Variants in CERS6 observed in about 807,000 individuals in gnomAD.
CERS6 encodes the protein ceramide synthase 6, also known as LAG1 homolog, ceramide synthase 6.
Under a neutral mutation model 56.8 loss-of-function variants are expected in CERS6, and 26 were observed. That is an observed-to-expected ratio of 0.46 (90% CI 0.34 to 0.63). CERS6 has a LOEUF of 0.63. Ranked by LOEUF, CERS6 falls within the 30% of genes least tolerant of loss-of-function variation. The probability of loss-of-function intolerance (pLI) is 0.01; values close to 1 mark genes in which losing one functional copy is unlikely to be tolerated. For missense variants in CERS6, 415 were observed against 467.5 expected (o/e 0.89, Z 1.04); for synonymous variants, 164 against 173.3 (o/e 0.95, Z 0.42).
intron 1 of CERS6, among the ~76,000 whole-genome samples, chr2:168,523,555 A>G (rs549151340): frequency 6.6e-6 from 1 of 152,172 alleles, no homozygotes; most frequent in South Asian, 2.1e-4. Flanking sequence ...CAGCACTTTT[A>G]GAGTAGAAAG....
At chr2:168,634,947 A>G (rs1684829536) in intron 4 of CERS6, among the ~76,000 whole-genome samples, 1 of 152,210 alleles carries the variant, frequency 6.6e-6, no homozygotes, top group Admixed American at 6.5e-5. Context: ...CCAGTCTGCA[A>G]TGAGATAAGA....
chr2:168,630,817 C>T lies in CERS6; in HGVS notation c.408-168C>T, dbSNP rs192743108. 1.4e-4 allele frequency among the ~76,000 whole-genome samples: 22 copies of T among 152,170 alleles called. No homozygotes were observed. In the East Asian group the frequency reaches 4.1e-3, roughly 28 times the overall value. ...AAATATTTTCTATAAGCCATGTATA[C>T]CAGTGTATGGCTTCAGCTAGCACTG... is the stretch of plus-strand genomic sequence containing the variant. On this transcript the variant is annotated intron_variant, in intron 3 of 9. Transcript: ENST00000305747.
chr2:168,548,935 G>C (rs537493276), intron 2 of CERS6, among the ~76,000 whole-genome samples: 12 of 152,132 alleles, frequency 7.9e-5, no homozygotes, highest in African/African-American at 2.7e-4. Flanking sequence ...CCAGGTTCCT[G>C]TCTGAAGGGA....
intron 8 of CERS6, among the ~76,000 whole-genome samples, chr2:168,756,802 C>G (rs944798752): frequency 5.3e-5 from 8 of 152,106 alleles, no homozygotes; most frequent in African/African-American, 1.9e-4. Flanking sequence ...TCAGTGTCCC[C>G]CACCAACGCG....
chr2:168,774,996 T>G lies in CERS6; in HGVS notation c.*5334T>G, dbSNP rs1405400316. On this transcript the variant is annotated 3_prime_UTR_variant, in exon 10 of 10. Coordinates refer to ENST00000305747, the MANE Select transcript of CERS6 (RefSeq NM_203463.3). ...ATACTGTTAGCCAATTAGAATTATTTTATGTATTGTTATTGTGTTTTGCTG... is the reference window on the plus strand; with the variant it reads ...ATACTGTTAGCCAATTAGAATTATTGTATGTATTGTTATTGTGTTTTGCTG... 1 of 152,244 alleles carries G rather than the reference T, an allele frequency of 6.6e-6. No homozygotes were observed. The highest frequency in any genetic ancestry group is 1.5e-5 in the Non-Finnish European group (1 of 68,044). 9.4% of individuals were successfully genotyped at this position (152,244 alleles called of 1,614,324 possible). A position where few individuals can be genotyped will look rare whatever the true frequency, so the allele number is the denominator to read the frequency against.
chr2:168,539,257 G>A lies in CERS6; in HGVS notation c.171-8339G>A, dbSNP rs1243373338. Among the ~76,000 whole-genome samples the A allele has an allele frequency of 2.7e-5, 4 of 149,780 alleles. 1 individual carries two copies. Among genetic ancestry groups the A allele is most frequent in the Non-Finnish European group, 4.5e-5 (3 of 67,362 alleles). ...TGGGATTACAGGCGTGAGCCACCGC[G>A]CCCGGCCGAAAATATTGTTTTTATT... On this transcript the variant is annotated intron_variant, in intron 1 of 9. Coordinates refer to ENST00000305747, the MANE Select transcript of CERS6 (RefSeq NM_203463.3).
At chr2:168,567,784 G>A (rs1295584505) in intron 3 of CERS6, among the ~76,000 whole-genome samples, 2 of 152,190 alleles carry the variant, frequency 1.3e-5, no homozygotes, top group Non-Finnish European at 2.9e-5. Flanking sequence ...TCTGTAATTG[G>A]TGTGCCTGTC....
chr2:168,511,504 C>T (rs1694786551), intron 1 of CERS6, among the ~76,000 whole-genome samples: 1 of 152,134 alleles, frequency 6.6e-6, no homozygotes, highest in Admixed American at 6.5e-5. Flanking sequence ...TATTGGTGTT[C>T]TGAAATTTCC....
chr2:168,724,243 A>G (rs1265675062), intron 8 of CERS6, among the ~76,000 whole-genome samples: 1 of 148,692 alleles, frequency 6.7e-6, no homozygotes, highest in African/African-American at 2.5e-5. Context: ...GGAGTTGTTC[A>G]TTCCTCCCGG....
chr2:168,528,344 C>G (rs1325803425), intron 1 of CERS6, among the ~76,000 whole-genome samples: 1 of 152,156 alleles, frequency 6.6e-6, no homozygotes, highest in African/African-American at 2.4e-5. Context: ...GGGGGCTGCC[C>G]CCTCATCAGG....
At chr2:168,723,444 T>G (rs1683241227) in intron 8 of CERS6, among the ~76,000 whole-genome samples, 1 of 152,216 alleles carries the variant, frequency 6.6e-6, no homozygotes, top group African/African-American at 2.4e-5. Flanking sequence ...CCAAAAATTC[T>G]TACTCCCCCC....
At position 168,769,882 on chromosome 2, in the gene CERS6, A is replaced by AAC. The variant is rs1176526731; in HGVS notation, c.*222_*223dup. 5.5e-6 allele frequency: 3 copies of AAC among 540,732 alleles called. No individual in the cohort carries two copies. The African/African-American group carries it at 5.9e-5, about 11-fold the overall frequency. 33.5% of individuals were successfully genotyped at this position (540,732 alleles called of 1,614,324 possible). On this transcript the variant is annotated 3_prime_UTR_variant, in exon 10 of 10. Transcript: ENST00000305747. ...ATGCTGTATGTAATTGACACAAGGG[A>AAC]ACAGTATTTGCATTTGTACTGTCTT...
In CERS6 at chr2:168,537,196, G is replaced by C. The variant is rs1471888881; in HGVS notation, c.171-10400G>C. On this transcript the variant is annotated intron_variant, in intron 1 of 9. Transcript: ENST00000305747. ...GTATAAAGAAAGAGCAAAGTGTAAA[G>C]CAAAGTATAAAGAGCAGGGCTGATA... Among the ~76,000 whole-genome samples, 4 of 152,278 alleles carry C rather than the reference G, an allele frequency of 2.6e-5. No homozygotes were observed. The East Asian group carries it at 5.8e-4, about 22-fold the overall frequency.
chr2:168,634,884 G>A (rs752279838), intron 4 of CERS6, among the ~76,000 whole-genome samples: 35 of 152,302 alleles, frequency 2.3e-4, no homozygotes, highest in South Asian at 8.3e-4. Context: ...TCATTAACCA[G>A]AGGGAACCAT....
chr2:168,608,199 T>C (rs1449214387), intron 3 of CERS6, among the ~76,000 whole-genome samples: 1 of 152,258 alleles, frequency 6.6e-6, no homozygotes, highest in Non-Finnish European at 1.5e-5. Context: ...TTGAGTTTCA[T>C]ATAGCTCAGA....
At chr2:168,627,331 T>C (rs991546123) in intron 3 of CERS6, among the ~76,000 whole-genome samples, 1 of 152,254 alleles carries the variant, frequency 6.6e-6, no homozygotes, top group Non-Finnish European at 1.5e-5. Flanking sequence ...TTTTGAAATA[T>C]TATTTTTTGT....
At chr2:168,514,415 A>C (rs1189194340) in intron 1 of CERS6, among the ~76,000 whole-genome samples, 1 of 152,184 alleles carries the variant, frequency 6.6e-6, no homozygotes, top group African/African-American at 2.4e-5. Context: ...TATTGATTAC[A>C]AGTAATTCAG....
chr2:168,484,021 A>G (rs1264255823), intron 1 of CERS6, among the ~76,000 whole-genome samples: 1 of 152,174 alleles, frequency 6.6e-6, no homozygotes, highest in Non-Finnish European at 1.5e-5. Flanking sequence ...TGTGTATTCA[A>G]AATATTGTAC....
intron 2 of CERS6, among the ~76,000 whole-genome samples, chr2:168,557,020 A>AAAAAAT (rs1558996759): frequency 1.5e-5 from 2 of 137,912 alleles, no homozygotes; most frequent in African/African-American, 2.7e-5. Context: ...AAAAAAAAAA[A>AAAAAAT]AGGCATGTTG....
Sources: allele counts gnomAD v4.1 joint callset (sites outside exome capture counted in the v4.1 genomes callset), GRCh38; gene constraint gnomAD v4.1.1; transcripts MANE v1.5; gene names NCBI Gene and HGNC (gene_info 2026-07-23, HGNC 2026-07-21).